The following TENM2 variants were observed in gnomAD, a reference collection of about 807,000 sequenced individuals.
TENM2 encodes the protein teneurin transmembrane protein 2.
In TENM2, 52 loss-of-function variants were observed where a neutral mutation model predicts 245.2. The ratio of observed to expected loss-of-function variants is 0.21; its 90% CI spans 0.17 to 0.27. The LOEUF (loss-of-function observed/expected upper bound fraction) is 0.27, where lower values mean the gene tolerates loss of function less well. TENM2 is among the 10% of genes least tolerant of loss of function. TENM2 has a pLI of 1.00. For missense variants in TENM2, 3,046 were observed against 3,666.8 expected (o/e 0.83, Z 4.37); for synonymous variants, 1,363 against 1,438.9 (o/e 0.95, Z 1.19).
At chr5:166,988,461 C>T in the TENM2 span, among the ~76,000 whole-genome samples, 4 of 152,160 alleles carry the variant, frequency 2.6e-5, no homozygotes, top group African/African-American at 7.2e-5. Flanking sequence ...TTATTTACCA[C>T]TCACCAAATT....
intron 4 of TENM2, among the ~76,000 whole-genome samples, chr5:167,959,980 G>A (rs909659985): frequency 2.0e-5 from 3 of 152,190 alleles, no homozygotes; most frequent in African/African-American, 4.8e-5. Flanking sequence ...GAAGTTTGCT[G>A]GAGGTCCACT....
At chr5:168,046,358 G>A (rs1456182575) in intron 5 of TENM2, among the ~76,000 whole-genome samples, 2 of 152,184 alleles carry the variant, frequency 1.3e-5, no homozygotes. Flanking sequence ...GTCAACCTGT[G>A]TCCAGTGGAA....
intron 5 of TENM2, among the ~76,000 whole-genome samples, chr5:168,007,733 C>T (rs901724287): frequency 6.6e-6 from 1 of 152,154 alleles, no homozygotes; most frequent in African/African-American, 2.4e-5. Context: ...CTCAGAAGAC[C>T]TGATTTGTAG....
At chr5:167,533,624 C>CT (rs369588402) in intron 2 of TENM2, among the ~76,000 whole-genome samples, 10 of 151,324 alleles carry the variant, frequency 6.6e-5, no homozygotes, top group South Asian at 2.1e-4. Context: ...GCTTGGCTAA[C>CT]TTTTTTTTTA....
chr5:167,519,052 T>A (rs978760600), intron 2 of TENM2, among the ~76,000 whole-genome samples: 1 of 152,154 alleles, frequency 6.6e-6, no homozygotes, highest in African/African-American at 2.4e-5. Flanking sequence ...CCATATCCTT[T>A]CCTCTTTTAG....
At chr5:166,989,732 A>G in the TENM2 span, among the ~76,000 whole-genome samples, 1 of 151,444 alleles carries the variant, frequency 6.6e-6, no homozygotes, top group Admixed American at 6.6e-5. Context: ...TATATGGAGA[A>G]TAACCCAAAG....
At chr5:167,272,484 T>C in the TENM2 span, among the ~76,000 whole-genome samples, 1 of 152,214 alleles carries the variant, frequency 6.6e-6, no homozygotes, top group African/African-American at 2.4e-5. Flanking sequence ...TTTTAAAATA[T>C]GTATTTTTGA....
intron 3 of TENM2, among the ~76,000 whole-genome samples, chr5:167,900,459 T>C (rs1284755616): frequency 6.6e-6 from 1 of 152,168 alleles, no homozygotes; most frequent in Non-Finnish European, 1.5e-5. Flanking sequence ...TCTCTGTTTG[T>C]ATATGTGTTC....
intron 5 of TENM2, among the ~76,000 whole-genome samples, chr5:167,996,202 T>A (rs1354105023): frequency 1.3e-5 from 2 of 151,862 alleles, no homozygotes; most frequent in African/African-American, 2.4e-5. Flanking sequence ...CGTGGGCGGG[T>A]GTAAAAGCAG....
At chr5:166,992,657 G>A in the TENM2 span, among the ~76,000 whole-genome samples, 32 of 152,252 alleles carry the variant, frequency 2.1e-4, no homozygotes, top group African/African-American at 7.5e-4. Flanking sequence ...AATCTAAAAT[G>A]GAATCTAATA....
rs138828493 is a variant in TENM2, at chr5:167,476,337, C to T, written c.502+100864C>T. 1.4e-3 allele frequency among the ~76,000 whole-genome samples: 209 copies of T among 152,256 alleles called. 1 individual carries two copies. Among genetic ancestry groups the T allele is most frequent in the South Asian group, 4.4e-3 (21 of 4,822 alleles). ...AATGGTCTTTTTCCTTGTGCATGGTCTTGTAACAGTACACTTTGGTCATTA... is the reference window on the plus strand; with the variant it reads ...AATGGTCTTTTTCCTTGTGCATGGTTTTGTAACAGTACACTTTGGTCATTA... On this transcript the variant is annotated intron_variant, in intron 2 of 28. Transcript: ENST00000518659.
chr5:168,046,789 C>G (rs1420192104), intron 5 of TENM2, among the ~76,000 whole-genome samples: 1 of 152,130 alleles, frequency 6.6e-6, no homozygotes, highest in Non-Finnish European at 1.5e-5. Context: ...ACCCCCCAAG[C>G]TTTTTCTACA....
rs57277873 is a variant in TENM2, at chr5:167,589,871, TATA to T, written c.502+214405_502+214407del. Among the ~76,000 whole-genome samples, 1,377 of 151,578 alleles carry T rather than the reference TATA, an allele frequency of 9.1e-3. 11 individuals carry two copies. Among genetic ancestry groups the T allele is most frequent in the African/African-American group, 0.017 (725 of 41,532 alleles). The stretch of plus-strand genomic sequence containing the variant: ...TTCTTTAACATTTTATTTATAAAAC[TATA>T]ATAATATATTTATTTAAAAGAATTT... On this transcript the variant is annotated intron_variant, in intron 2 of 28. Transcript: ENST00000518659.
At chr5:167,358,501 C>T (rs1245632196) in intron 1 of TENM2, among the ~76,000 whole-genome samples, 1 of 151,512 alleles carries the variant, frequency 6.6e-6, no homozygotes, top group Non-Finnish European at 1.5e-5. Context: ...TTATTTGACC[C>T]TTGTGGTCTT....
At chr5:167,224,633 C>A in the TENM2 span, among the ~76,000 whole-genome samples, 1 of 151,770 alleles carries the variant, frequency 6.6e-6, no homozygotes, top group Non-Finnish European at 1.5e-5. Flanking sequence ...ATGTCTCTAG[C>A]CTTGTTCTTT....
chr5:167,006,114 C>A, the TENM2 span, among the ~76,000 whole-genome samples: 1 of 152,174 alleles, frequency 6.6e-6, no homozygotes, highest in African/African-American at 2.4e-5. Context: ...CCCTGCACAA[C>A]TTTTTTCTTG....
At chr5:167,377,557 G>A (rs886688283) in intron 2 of TENM2, among the ~76,000 whole-genome samples, 1 of 152,194 alleles carries the variant, frequency 6.6e-6, no homozygotes, top group South Asian at 2.1e-4. Flanking sequence ...GGTACATAAT[G>A]TATCTTCTGT....
chr5:167,642,621 G>A (rs2150255449), intron 2 of TENM2, among the ~76,000 whole-genome samples: 1 of 152,186 alleles, frequency 6.6e-6, no homozygotes, highest in Non-Finnish European at 1.5e-5. Flanking sequence ...TATCATTCTT[G>A]TGAAGTATAA....
At chr5:167,997,050 C>T (rs1784103218) in intron 5 of TENM2, among the ~76,000 whole-genome samples, 1 of 152,134 alleles carries the variant, frequency 6.6e-6, no homozygotes, top group South Asian at 2.1e-4. Context: ...ATTTGAAGCA[C>T]TTTTATACAA....
Sources: allele counts gnomAD v4.1 joint callset (sites outside exome capture counted in the v4.1 genomes callset), GRCh38; gene constraint gnomAD v4.1.1; transcripts MANE v1.5; gene names NCBI Gene and HGNC (gene_info 2026-07-23, HGNC 2026-07-21).